TWIST2: variants seen among roughly 807,000 people sequenced by gnomAD.
TWIST2 encodes twist-related protein 2.
A neutral mutation model predicts 11.6 loss-of-function variants in TWIST2; 1 was observed. That is an observed-to-expected ratio of 0.09 (90% confidence interval 0.03 to 0.41). The LOEUF (loss-of-function observed/expected upper bound fraction) is 0.41. Ranked by LOEUF, TWIST2 falls within the 10% of genes least tolerant of loss-of-function variation. The pLI, the probability that TWIST2 is intolerant of heterozygous loss-of-function variation, is 0.98. For missense variants in TWIST2, 168 were observed against 226.4 expected, an observed-to-expected ratio of 0.74 and a Z score of 1.66; for synonymous variants, 87 against 96.6, an observed-to-expected ratio of 0.90 and a Z score of 0.58.
At chr2:238,854,984 C>T (rs903687379) in intron 1 of TWIST2, among the ~76,000 whole-genome samples, 5 of 152,150 alleles carry the variant, frequency 3.3e-5, no homozygotes, top group South Asian at 4.1e-4. Flanking sequence ...GTGGCCGGTG[C>T]TCAGAGGGCT....
chr2:238,870,156 C>CAA (rs1559273485), intron 1 of TWIST2, among the ~76,000 whole-genome samples: 8 of 140,396 alleles, frequency 5.7e-5, no homozygotes, highest in Non-Finnish European at 7.7e-5. Flanking sequence ...ACACACCACA[C>CAA]CCCACACACA....
chr2:238,878,885 T>C (rs1167052803), intron 1 of TWIST2, among the ~76,000 whole-genome samples: 1 of 152,202 alleles, frequency 6.6e-6, no homozygotes, highest in Non-Finnish European at 1.5e-5. Context: ...TTTCCTCTAA[T>C]GTTTCTTTAA....
rs145162654 is a variant in TWIST2, at chr2:238,860,654, C to T, written c.*35+11921C>T. Among the ~76,000 whole-genome samples, 593 of 152,250 alleles carry T rather than the reference C, an allele frequency of 3.9e-3. 1 individual carries two copies. Among genetic ancestry groups the T allele is most frequent in the Non-Finnish European group, 7.1e-3 (484 of 67,996 alleles). ...TGCCAAAAGCAGACAAAAACTGTTC[C>T]GGGCCAGGCGCAGTGGCTCACGCCT... On this transcript the variant is annotated intron_variant, in intron 1 of 1. Transcript: ENST00000612363.
At chr2:238,849,817 A>ACTGG (rs1238125211) in intron 1 of TWIST2, among the ~76,000 whole-genome samples, 2 of 152,208 alleles carry the variant, frequency 1.3e-5, no homozygotes, top group African/African-American at 2.4e-5. Context: ...AGGCTCTGTG[A>ACTGG]GCAGGCGAGC....
chr2:238,889,127 A>G (rs1330372260), intron 1 of TWIST2, among the ~76,000 whole-genome samples: 3 of 152,204 alleles, frequency 2.0e-5, no homozygotes, highest in Admixed American at 1.3e-4. Flanking sequence ...CCTGAAGGCA[A>G]TCTTAGAAGT....
intron 1 of TWIST2, among the ~76,000 whole-genome samples, chr2:238,904,562 CTGTCCAACGGTGTCCATGGTACTT>C (rs1693319295): frequency 6.6e-6 from 1 of 151,954 alleles, no homozygotes; most frequent in Admixed American, 6.6e-5. Flanking sequence ...CTGGTTCTGA[CTGTCCAACGGTGTCCATGGTACTT>C]TGCCCTTCCC....
At chr2:238,850,862 CTAAA>C (rs1692230192) in intron 1 of TWIST2, among the ~76,000 whole-genome samples, 1 of 152,060 alleles carries the variant, frequency 6.6e-6, no homozygotes, top group African/African-American at 2.4e-5. Flanking sequence ...AATAGATACT[CTAAA>C]AGAAGAGAAA....
chr2:238,870,420 A>C (rs966349790), intron 1 of TWIST2, among the ~76,000 whole-genome samples: 8 of 840 alleles, frequency 9.5e-3, no homozygotes, highest in East Asian at 0.071. Context: ...ACCACACACA[A>C]ACCACACACC....
intron 1 of TWIST2, among the ~76,000 whole-genome samples, chr2:238,883,787 G>A (rs1692982616): frequency 6.6e-6 from 1 of 152,158 alleles, no homozygotes; most frequent in South Asian, 2.1e-4. Context: ...CGGTTTTCAG[G>A]AATGAAAAGC....
chr2:238,873,146 A>C (rs1030413335), intron 1 of TWIST2, among the ~76,000 whole-genome samples: 2 of 152,214 alleles, frequency 1.3e-5, no homozygotes, highest in Non-Finnish European at 2.9e-5. Flanking sequence ...CACAGTAGGG[A>C]GGCCAGACCA....
intron 1 of TWIST2, among the ~76,000 whole-genome samples, chr2:238,852,536 C>T (rs906659546): frequency 3.9e-5 from 6 of 152,202 alleles, no homozygotes; most frequent in East Asian, 1.9e-4. Flanking sequence ...CTAAGAGATA[C>T]AGACATGGAT....
At chr2:238,855,174 A>C (rs1191407500) in intron 1 of TWIST2, among the ~76,000 whole-genome samples, 1 of 152,176 alleles carries the variant, frequency 6.6e-6, no homozygotes, top group African/African-American at 2.4e-5. Flanking sequence ...TGTGAACTTT[A>C]AATCTCAGTC....
intron 1 of TWIST2, among the ~76,000 whole-genome samples, chr2:238,856,354 C>T (rs1042821583): frequency 2.6e-5 from 4 of 152,130 alleles, no homozygotes; most frequent in Admixed American, 6.5e-5. Flanking sequence ...AAGATGAGCA[C>T]GGTTACTCAC....
chr2:238,869,639 C>T (rs900884100), intron 1 of TWIST2, among the ~76,000 whole-genome samples: 4 of 152,192 alleles, frequency 2.6e-5, no homozygotes, highest in Non-Finnish European at 5.9e-5. Flanking sequence ...CAGATCCAAC[C>T]AGAAAGAGGT....
At chr2:238,856,326 T>C (rs36196211) in intron 1 of TWIST2, among the ~76,000 whole-genome samples, 12,282 of 152,302 alleles carry the variant, frequency 0.081, 688 homozygotes, top group South Asian at 0.12. Flanking sequence ...GATTTCCTTC[T>C]AATTAAACAA....
chr2:238,896,634 A>G (rs1693210980), intron 1 of TWIST2, among the ~76,000 whole-genome samples: 1 of 152,200 alleles, frequency 6.6e-6, no homozygotes, highest in Non-Finnish European at 1.5e-5. Context: ...TCTGACCAGC[A>G]GACACCCATC....
At chr2:238,887,002 T>A (rs1419195862) in intron 1 of TWIST2, 1 of 147,074 alleles carries the variant, frequency 6.8e-6, no homozygotes, top group African/African-American at 2.7e-5. Flanking sequence ...CTTGGAGTTG[T>A]TTTTTCAAGT....
chr2:238,862,354 T>C (rs574187957), intron 1 of TWIST2, among the ~76,000 whole-genome samples: 2 of 152,152 alleles, frequency 1.3e-5, no homozygotes, highest in African/African-American at 4.8e-5. Context: ...GTTAATGTTC[T>C]TACTAGAAAA....
intron 1 of TWIST2, among the ~76,000 whole-genome samples, chr2:238,865,126 A>G (rs1163490808): frequency 1.3e-5 from 2 of 152,250 alleles, no homozygotes; most frequent in Non-Finnish European, 2.9e-5. Context: ...AGAATGGTCC[A>G]GTGAGCTGGG....
Sources: allele counts gnomAD v4.1 joint callset (sites outside exome capture counted in the v4.1 genomes callset), GRCh38; gene constraint gnomAD v4.1.1; transcripts MANE v1.5; gene names NCBI Gene and HGNC (gene_info 2026-07-23, HGNC 2026-07-21).